JAZF1: variants seen among roughly 807,000 people sequenced by gnomAD.
JAZF1 encodes JAZF zinc finger 1.
JAZF1 carries 8 observed loss-of-function variants against 26.4 expected under a neutral mutation model. That is an observed-to-expected ratio of 0.30 (90% CI 0.18 to 0.55). The LOEUF is 0.55. Ranked by LOEUF, JAZF1 falls within the 20% of genes least tolerant of loss-of-function variation. JAZF1 has a pLI of 0.94. For synonymous variants in JAZF1, 126 were observed against 122.3 expected, an observed-to-expected ratio of 1.03 and a Z score of -0.20; for missense variants, 199 against 322.0, an observed-to-expected ratio of 0.62 and a Z score of 2.92.
chr7:27,841,698 A>G (rs932970602), intron 3 of JAZF1: 3 of 152,140 alleles, frequency 2.0e-5, no homozygotes, highest in Non-Finnish European at 4.4e-5. Context: ...CACTCTACTG[A>G]CTTCTTTGCA....
chr7:27,926,685 A>C (rs115448659), intron 2 of JAZF1, among the ~76,000 whole-genome samples: 1,585 of 152,334 alleles, frequency 0.01, 36 homozygotes, highest in African/African-American at 0.036. Flanking sequence ...AGAATACTAC[A>C]AGACTCATTT....
At chr7:27,999,534 T>C (rs1786089561) in intron 1 of JAZF1, among the ~76,000 whole-genome samples, 3 of 152,216 alleles carry the variant, frequency 2.0e-5, no homozygotes, top group African/African-American at 4.8e-5. Flanking sequence ...TCCCTCCTTC[T>C]GCCTAACATT....
intron 2 of JAZF1, among the ~76,000 whole-genome samples, chr7:27,933,181 G>A (rs1784712230): frequency 6.6e-6 from 1 of 152,168 alleles, no homozygotes; most frequent in South Asian, 2.1e-4. Context: ...CTGAAATTAG[G>A]GGTAGAGGGT....
chr7:27,871,244 A>T (rs771116443), intron 3 of JAZF1, among the ~76,000 whole-genome samples: 6 of 152,230 alleles, frequency 3.9e-5, no homozygotes, highest in Non-Finnish European at 8.8e-5. Flanking sequence ...CTTGATCTAG[A>T]GACATACAGG....
chr7:27,898,549 C>T (rs1189300452), intron 2 of JAZF1, among the ~76,000 whole-genome samples: 3 of 151,994 alleles, frequency 2.0e-5, no homozygotes, highest in African/African-American at 7.3e-5. Context: ...AAGTGCTGCA[C>T]CTGCCTCGGC....
intron 3 of JAZF1, among the ~76,000 whole-genome samples, chr7:27,876,830 C>G (rs777858355): frequency 3.9e-5 from 6 of 152,090 alleles, no homozygotes; most frequent in Non-Finnish European, 7.4e-5. Context: ...CATTACTCTC[C>G]CTGGAGAGAG....
At chr7:27,902,712 G>A (rs911794534) in intron 2 of JAZF1, among the ~76,000 whole-genome samples, 3 of 152,158 alleles carry the variant, frequency 2.0e-5, no homozygotes, top group African/African-American at 7.2e-5. Flanking sequence ...CAGGTTCCTG[G>A]TTCATAAAAG....
At chr7:27,845,646 A>G (rs1392955715) in intron 3 of JAZF1, among the ~76,000 whole-genome samples, 3 of 149,054 alleles carry the variant, frequency 2.0e-5, no homozygotes, top group Non-Finnish European at 4.4e-5. Context: ...GCAGTGAGCC[A>G]AGATGGCGCC....
chr7:28,063,636 T>C (rs1417119933), intron 1 of JAZF1, among the ~76,000 whole-genome samples: 3 of 152,174 alleles, frequency 2.0e-5, no homozygotes, highest in Non-Finnish European at 1.5e-5. Context: ...GGGCTCTTAA[T>C]TGTAAAAGCT....
intron 1 of JAZF1, among the ~76,000 whole-genome samples, chr7:28,088,119 C>A (rs1351236660): frequency 6.6e-6 from 1 of 152,220 alleles, no homozygotes; most frequent in East Asian, 1.9e-4. Context: ...TCTGAAAACA[C>A]ATCCCTTCAC....
At chr7:28,172,879 C>T (rs1326868764) in intron 1 of JAZF1, among the ~76,000 whole-genome samples, 2 of 152,178 alleles carry the variant, frequency 1.3e-5, no homozygotes, top group East Asian at 3.8e-4. Flanking sequence ...TAAACCCAAA[C>T]AAAATGTGGA....
At chr7:27,889,028 G>A (rs1783920905) in intron 3 of JAZF1, among the ~76,000 whole-genome samples, 2 of 152,120 alleles carry the variant, frequency 1.3e-5, no homozygotes. Context: ...TCCAGACAAC[G>A]TGGAATATGT....
At chr7:27,954,031 G>A (rs1482133444) in intron 2 of JAZF1, among the ~76,000 whole-genome samples, 2 of 152,148 alleles carry the variant, frequency 1.3e-5, no homozygotes, top group East Asian at 1.9e-4. Context: ...CCCACCCTGC[G>A]GTGAGCTCAT....
intron 3 of JAZF1, among the ~76,000 whole-genome samples, chr7:27,853,809 T>C (rs1783194845): frequency 6.6e-6 from 1 of 152,204 alleles, no homozygotes; most frequent in Non-Finnish European, 1.5e-5. Flanking sequence ...TGGTCAATTT[T>C]AGAATAAGTT....
chr7:28,103,286 C>A (rs1784502746), intron 1 of JAZF1, among the ~76,000 whole-genome samples: 1 of 152,022 alleles, frequency 6.6e-6, no homozygotes, highest in South Asian at 2.1e-4. Flanking sequence ...CAAAAATTGC[C>A]CACTGGATGC....
intron 1 of JAZF1, among the ~76,000 whole-genome samples, chr7:28,043,080 G>A (rs1783421469): frequency 6.6e-6 from 1 of 152,200 alleles, no homozygotes; most frequent in Non-Finnish European, 1.5e-5. Context: ...CATATGATCT[G>A]AGCATCACTA....
chr7:28,006,621 A>G (rs1215571342), intron 1 of JAZF1, among the ~76,000 whole-genome samples: 1 of 152,164 alleles, frequency 6.6e-6, no homozygotes, highest in Non-Finnish European at 1.5e-5. Context: ...TGTAAGGGAG[A>G]TATCTCCTGA....
chr7:28,118,347 T>G (rs1784781288), intron 1 of JAZF1: 1 of 151,928 alleles, frequency 6.6e-6, no homozygotes, highest in Admixed American at 6.6e-5. Flanking sequence ...AAGCCCCGCC[T>G]CTACTAAAAA....
Position 27,840,041 on chromosome 7 carries a change from C to T in JAZF1, c.555+657G>A, listed in dbSNP as rs1318372950. Among the ~76,000 whole-genome samples, 1 of 152,152 alleles carries T rather than the reference C, an allele frequency of 6.6e-6. No homozygotes were observed. The highest frequency in any genetic ancestry group is 1.5e-5 in the Non-Finnish European group (1 of 68,028). The stretch of plus-strand genomic sequence containing the variant: ...ATTGTGCTGTTTCTCGTTGTTTTGT[C>T]CCTGTTCCTTATTAGAAAAGTTAGC... On this transcript the variant is annotated intron_variant, in intron 4 of 4. Coordinates refer to ENST00000283928, the MANE Select transcript of JAZF1 (RefSeq NM_175061.4). This position sits in a 1 kb window ranked among gnomAD's most constrained non-coding sequence, Gnocchi z 5.1.
Sources: allele counts gnomAD v4.1 joint callset (sites outside exome capture counted in the v4.1 genomes callset), GRCh38; gene constraint gnomAD v4.1.1; non-coding constraint Gnocchi (gnomAD v3.1); transcripts MANE v1.5; gene names NCBI Gene and HGNC (gene_info 2026-07-23, HGNC 2026-07-21).